LINGO2: variants seen among roughly 807,000 people sequenced by gnomAD.
LINGO2 encodes the protein leucine rich repeat and Ig domain containing 2.
LINGO2 carries 14 observed loss-of-function variants against 30.6 expected under a neutral mutation model. That is an observed-to-expected ratio of 0.46 (90% confidence interval 0.30 to 0.72). The LOEUF (loss-of-function observed/expected upper bound fraction) is 0.72, where lower values mean the gene tolerates loss of function less well. Ranked by LOEUF, LINGO2 falls within the 30% of genes least tolerant of loss-of-function variation. LINGO2 has a pLI of 0.07. For missense variants in LINGO2, 729 were observed against 751.7 expected (o/e 0.97, Z 0.35); for synonymous variants, 317 against 288.5 (o/e 1.10, Z -1.00).
At chr9:28,899,984 G>T in the LINGO2 span, among the ~76,000 whole-genome samples, 1 of 152,278 alleles carries the variant, frequency 6.6e-6, no homozygotes, top group Non-Finnish European at 1.5e-5. Context: ...TGTGTAATCA[G>T]GTTCCAGGTC....
chr9:28,923,434 G>C, the LINGO2 span, among the ~76,000 whole-genome samples: 2 of 152,078 alleles, frequency 1.3e-5, no homozygotes, highest in Admixed American at 1.3e-4. Context: ...ACAAATTTCT[G>C]TTTAGAAGCT....
At chr9:28,636,257 T>G (rs1827266094) in intron 1 of LINGO2, among the ~76,000 whole-genome samples, 1 of 152,246 alleles carries the variant, frequency 6.6e-6, no homozygotes, top group African/African-American at 2.4e-5. Flanking sequence ...AAGTCTTTGC[T>G]ATTGTGAATA....
At chr9:29,015,094 A>G in the LINGO2 span, among the ~76,000 whole-genome samples, 1 of 152,102 alleles carries the variant, frequency 6.6e-6, no homozygotes. Context: ...ATTGGATTTA[A>G]TAATTCTTGA....
At chr9:28,465,394 G>A (rs2135141912) in intron 2 of LINGO2, among the ~76,000 whole-genome samples, 1 of 152,234 alleles carries the variant, frequency 6.6e-6, no homozygotes. Flanking sequence ...TCCTCTCAAC[G>A]TTCAGATGCT....
the LINGO2 span, among the ~76,000 whole-genome samples, chr9:29,199,202 C>T: frequency 2.6e-5 from 4 of 152,060 alleles, no homozygotes; most frequent in African/African-American, 7.2e-5. Context: ...GACTCCCATC[C>T]CAGTTCAGCC....
the LINGO2 span, among the ~76,000 whole-genome samples, chr9:28,827,607 G>A: frequency 6.6e-6 from 1 of 152,068 alleles, no homozygotes; most frequent in Non-Finnish European, 1.5e-5. Flanking sequence ...TTTGTTGAAT[G>A]ATTTAAGGAC....
In LINGO2 at chr9:28,087,959, G is replaced by A. The variant is rs532078200; in HGVS notation, c.-86-75554C>T. 2.0e-5 allele frequency among the ~76,000 whole-genome samples: 3 copies of A among 152,068 alleles called. No homozygotes were observed. The South Asian group carries it at 6.2e-4, about 32-fold the overall frequency. On this transcript the variant is annotated intron_variant, in intron 4 of 5. Transcript: ENST00000379992. ...CACTATAATATAATGACTCAGTACA[G>A]AATAATAGGCATCTGTTCTGATAAC...
chr9:28,437,094 T>C (rs10812825), intron 2 of LINGO2, among the ~76,000 whole-genome samples: 23,019 of 152,146 alleles, frequency 0.15, 1,949 homozygotes, highest in East Asian at 0.36. Context: ...GATGTGCCTA[T>C]TGGGTGTTAT....
chr9:28,719,215 T>G, the LINGO2 span, among the ~76,000 whole-genome samples: 16,084 of 152,060 alleles, frequency 0.11, 1,027 homozygotes, highest in East Asian at 0.19. Flanking sequence ...CACTCCTTGA[T>G]TCTACCCGTT....
chr9:28,267,608 C>A (rs1009701383), intron 4 of LINGO2, among the ~76,000 whole-genome samples: 1 of 151,992 alleles, frequency 6.6e-6, no homozygotes, highest in Non-Finnish European at 1.5e-5. Context: ...CTGTAGCCTG[C>A]ATGTCACCTT....
At chr9:28,323,151 G>T (rs1189045372) in intron 3 of LINGO2, among the ~76,000 whole-genome samples, 1 of 152,100 alleles carries the variant, frequency 6.6e-6, no homozygotes, top group African/African-American at 2.4e-5. Flanking sequence ...AGTTTAATAT[G>T]TTATATATGC....
chr9:28,744,102 A>G, the LINGO2 span, among the ~76,000 whole-genome samples: 1 of 132,680 alleles, frequency 7.5e-6, no homozygotes, highest in Non-Finnish European at 1.6e-5. Context: ...CTATATATAT[A>G]TATATATTTT....
At chr9:28,424,568 T>C (rs1823329547) in intron 2 of LINGO2, among the ~76,000 whole-genome samples, 2 of 152,176 alleles carry the variant, frequency 1.3e-5, no homozygotes, top group Non-Finnish European at 2.9e-5. Context: ...ACTAAATGAA[T>C]GGTAGTTGAT....
At chr9:28,078,654 C>A (rs1825691814) in intron 4 of LINGO2, among the ~76,000 whole-genome samples, 1 of 148,056 alleles carries the variant, frequency 6.8e-6, no homozygotes, top group Non-Finnish European at 1.5e-5. Flanking sequence ...AGTTTGAGAC[C>A]AGCCTAACAT....
At chr9:28,138,420 GC>G (rs1827577484) in intron 4 of LINGO2, among the ~76,000 whole-genome samples, 1 of 152,160 alleles carries the variant, frequency 6.6e-6, no homozygotes. Context: ...CGATGACAAA[GC>G]TGGGAATTAA....
At chr9:28,353,744 G>T (rs1468667686) in intron 3 of LINGO2, among the ~76,000 whole-genome samples, 2 of 152,046 alleles carry the variant, frequency 1.3e-5, no homozygotes, top group African/African-American at 4.8e-5. Flanking sequence ...CAAAGACTTG[G>T]AACCAACCCA....
chr9:28,515,366 C>G (rs1307264275), intron 1 of LINGO2, among the ~76,000 whole-genome samples: 5 of 152,124 alleles, frequency 3.3e-5, no homozygotes, highest in African/African-American at 1.2e-4. Flanking sequence ...ACCACCACGC[C>G]TGGCTAATTT....
chr9:28,676,283 T>C, the LINGO2 span, among the ~76,000 whole-genome samples: 1 of 151,982 alleles, frequency 6.6e-6, no homozygotes, highest in African/African-American at 2.4e-5. Flanking sequence ...GCTGGAGCAA[T>C]AGAGAGAAGA....
At chr9:29,025,797 T>C in the LINGO2 span, among the ~76,000 whole-genome samples, 1 of 152,088 alleles carries the variant, frequency 6.6e-6, no homozygotes, top group East Asian at 1.9e-4. Context: ...GATCAACATC[T>C]CCCCCCTCTA....
Sources: allele counts gnomAD v4.1 joint callset (sites outside exome capture counted in the v4.1 genomes callset), GRCh38; gene constraint gnomAD v4.1.1; transcripts MANE v1.5; gene names NCBI Gene and HGNC (gene_info 2026-07-23, HGNC 2026-07-21).